ZBTB20: variants seen among roughly 807,000 people sequenced by gnomAD.
The protein encoded by ZBTB20 is zinc finger and BTB domain containing 20.
Under a neutral mutation model 56.9 loss-of-function variants are expected in ZBTB20, and 9 were observed. The ratio of observed to expected loss-of-function variants is 0.16; its 90% CI spans 0.10 to 0.28. The LOEUF (loss-of-function observed/expected upper bound fraction) is 0.28. Ranked by LOEUF, ZBTB20 falls within the 10% of genes least tolerant of loss-of-function variation. The probability of loss-of-function intolerance (pLI) is 1.00; values close to 1 mark genes in which losing one functional copy is unlikely to be tolerated. For synonymous variants in ZBTB20, 417 were observed against 420.7 expected (o/e 0.99, Z 0.11); for missense variants, 655 against 1,003.0 (o/e 0.65, Z 4.69).
At chr3:114,510,592 C>T (rs1184437082) in intron 6 of ZBTB20, among the ~76,000 whole-genome samples, 1 of 151,876 alleles carries the variant, frequency 6.6e-6, no homozygotes, top group Admixed American at 6.6e-5. Flanking sequence ...GTGAGGAAAG[C>T]ATGGTGATGG....
intron 2 of ZBTB20, among the ~76,000 whole-genome samples, chr3:114,997,292 T>C (rs2079066709): frequency 2.6e-5 from 4 of 151,610 alleles, no homozygotes; most frequent in South Asian, 2.1e-4. Flanking sequence ...TGTAGAACCT[T>C]TGGGGTGATT....
chr3:114,790,765 A>C (rs1391083758), intron 5 of ZBTB20, among the ~76,000 whole-genome samples: 1 of 151,878 alleles, frequency 6.6e-6, no homozygotes, highest in Non-Finnish European at 1.5e-5. Context: ...TAGGGGAGAC[A>C]TAACAGTAAG....
chr3:114,554,171 T>C (rs1048608078), intron 6 of ZBTB20, among the ~76,000 whole-genome samples: 1 of 152,186 alleles, frequency 6.6e-6, no homozygotes, highest in Non-Finnish European at 1.5e-5. Context: ...CATTACTCTG[T>C]TTCTTCCTCT....
intron 2 of ZBTB20, among the ~76,000 whole-genome samples, chr3:115,063,962 C>T (rs1034704033): frequency 9.2e-5 from 14 of 151,936 alleles, no homozygotes; most frequent in Non-Finnish European, 1.6e-4. Flanking sequence ...CATTTGGTAC[C>T]TTGAGTAGTA....
At chr3:114,436,289 G>A (rs998162868) in intron 7 of ZBTB20, among the ~76,000 whole-genome samples, 11 of 152,142 alleles carry the variant, frequency 7.2e-5, no homozygotes, top group African/African-American at 2.7e-4. Flanking sequence ...TGGCTGGGGT[G>A]GATGGAGGTG....
chr3:114,336,913 G>A lies in ZBTB20; in HGVS notation c.*2092C>T, dbSNP rs2079475743. On this transcript the variant is annotated 3_prime_UTR_variant, in exon 12 of 12. Coordinates refer to ENST00000675478, the MANE Select transcript of ZBTB20 (RefSeq NM_001348800.3). ...ATGCCCAGCAATGAAATCACTTTGG[G>A]AGTTTCAGCTAGGTTTAAGAATTCC... is the stretch of plus-strand genomic sequence containing the variant. 1 of 152,194 alleles carries A rather than the reference G, an allele frequency of 6.6e-6. No individual in the cohort carries two copies. Among genetic ancestry groups the A allele is most frequent in the South Asian group, 2.1e-4 (1 of 4,826 alleles). 9.4% of individuals were successfully genotyped at this position (152,194 alleles called of 1,614,324 possible).
At chr3:114,418,002 C>G (rs143175811) in intron 7 of ZBTB20, among the ~76,000 whole-genome samples, 489 of 152,120 alleles carry the variant, frequency 3.2e-3, no homozygotes, top group Admixed American at 9.6e-3. Context: ...TCAAGGTACG[C>G]CCACCTTGGG....
Position 114,319,823 on chromosome 3 carries a change from T to C in ZBTB20, c.*19182A>G, listed in dbSNP as rs963442706. 1.3e-5 allele frequency: 2 copies of C among 151,822 alleles called. No individual in the cohort carries two copies. The highest frequency in any genetic ancestry group is 2.4e-5 in the African/African-American group (1 of 41,242). 9.4% of individuals were successfully genotyped at this position (151,822 alleles called of 1,614,324 possible). On this transcript the variant is annotated 3_prime_UTR_variant, in exon 12 of 12. Coordinates refer to ENST00000675478, the MANE Select transcript of ZBTB20 (RefSeq NM_001348800.3). ...TCTCAAGCATATACATATATATATATATATAAGCATATACATATATATATA... is the reference window on the plus strand; with the variant it reads ...TCTCAAGCATATACATATATATATACATATAAGCATATACATATATATATA...
At chr3:114,585,005 A>C (rs1263154123) in intron 6 of ZBTB20, among the ~76,000 whole-genome samples, 1 of 152,112 alleles carries the variant, frequency 6.6e-6, no homozygotes, top group Non-Finnish European at 1.5e-5. Flanking sequence ...CTATGGCATC[A>C]ACAAAGGCAA....
At chr3:114,704,093 C>T (rs529810640) in intron 5 of ZBTB20, among the ~76,000 whole-genome samples, 5 of 152,146 alleles carry the variant, frequency 3.3e-5, no homozygotes, top group Admixed American at 6.5e-5. Context: ...AATAAATCTT[C>T]CTGCTAATTT....
At chr3:114,783,095 G>A (rs192056314) in intron 5 of ZBTB20, among the ~76,000 whole-genome samples, 2 of 152,186 alleles carry the variant, frequency 1.3e-5, no homozygotes, top group African/African-American at 4.8e-5. Context: ...TGGAAACCAC[G>A]GTGGTCAAGA....
chr3:114,923,724 A>G (rs989951210), intron 3 of ZBTB20, among the ~76,000 whole-genome samples: 1 of 152,194 alleles, frequency 6.6e-6, no homozygotes, highest in Non-Finnish European at 1.5e-5. Context: ...AAGTAGAACT[A>G]CACCAAACTA....
chr3:114,371,508 T>C (rs1019981605), intron 10 of ZBTB20, among the ~76,000 whole-genome samples: 1 of 152,206 alleles, frequency 6.6e-6, no homozygotes, highest in African/African-American at 2.4e-5. Context: ...TGTTATTTGA[T>C]CTTCTCTACA....
intron 5 of ZBTB20, among the ~76,000 whole-genome samples, chr3:114,763,262 C>T (rs780725045): frequency 4.6e-5 from 7 of 152,136 alleles, no homozygotes; most frequent in Non-Finnish European, 8.8e-5. Flanking sequence ...TGGAAATCTT[C>T]GACCTTCACA....
At chr3:114,426,570 G>A (rs1052165673) in intron 7 of ZBTB20, among the ~76,000 whole-genome samples, 25 of 152,096 alleles carry the variant, frequency 1.6e-4, no homozygotes, top group African/African-American at 5.8e-4. Context: ...CACACAGCAA[G>A]TCGCTTTTGT....
At chr3:114,950,779 T>C (rs1029487673) in intron 3 of ZBTB20, among the ~76,000 whole-genome samples, 5 of 152,132 alleles carry the variant, frequency 3.3e-5, no homozygotes, top group Admixed American at 1.3e-4. Context: ...TGTCCATCTA[T>C]AGTAGAAGAG....
chr3:115,054,360 C>T (rs2081671434), intron 2 of ZBTB20, among the ~76,000 whole-genome samples: 1 of 152,026 alleles, frequency 6.6e-6, no homozygotes, highest in African/African-American at 2.4e-5. Context: ...TTAATTTAAG[C>T]TCAACTATTT....
chr3:114,871,373 A>G lies in ZBTB20; in HGVS notation c.-417+28931T>C, dbSNP rs536248181. On this transcript the variant is annotated intron_variant, in intron 4 of 11. Transcript: ENST00000675478. ...TCTTTCAGTATCTCTGCCTTCTTAG[A>G]TACTCTAAGCTATAACTCTACTTTA... Among the ~76,000 whole-genome samples, 13 of 152,224 alleles carry G rather than the reference A, an allele frequency of 8.5e-5. No individual in the cohort carries two copies. The East Asian group carries it at 2.5e-3, about 29-fold the overall frequency.
At chr3:114,858,924 T>A (rs2075366319) in intron 4 of ZBTB20, among the ~76,000 whole-genome samples, 1 of 152,132 alleles carries the variant, frequency 6.6e-6, no homozygotes, top group African/African-American at 2.4e-5. Flanking sequence ...ATATTGCAGG[T>A]ATTTGAAGTA....
Sources: gnomAD v4.1 joint callset for allele counts (sites outside exome capture counted in the v4.1 genomes callset) on GRCh38, gnomAD v4.1.1 for gene constraint, MANE v1.5 for transcripts, NCBI Gene and HGNC (gene_info 2026-07-23, HGNC 2026-07-21) for gene names.